The following CALCRL variants were observed in gnomAD, a reference collection of about 807,000 sequenced individuals.
CALCRL encodes the protein calcitonin receptor like receptor.
A neutral mutation model predicts 60.4 loss-of-function variants in CALCRL; 27 were observed. The observed-to-expected ratio is 0.45, with a 90% CI of 0.33 to 0.62. The LOEUF is 0.62. Among genes scored for constraint, CALCRL ranks in the 20% least tolerant of loss-of-function variants. CALCRL has a pLI of 0.03. For missense variants in CALCRL, 424 were observed against 540.7 expected, an observed-to-expected ratio of 0.78 and a Z score of 2.14; for synonymous variants, 190 against 182.6, an observed-to-expected ratio of 1.04 and a Z score of -0.33.
chr2:187,445,436 G>A (rs1691131331), intron 1 of CALCRL, among the ~76,000 whole-genome samples: 1 of 151,500 alleles, frequency 6.6e-6, no homozygotes, highest in East Asian at 1.9e-4. Context: ...AATAAATTTT[G>A]TTTAGTGAAT....
At chr2:187,439,610 G>C (rs961503902) in intron 1 of CALCRL, among the ~76,000 whole-genome samples, 1 of 152,058 alleles carries the variant, frequency 6.6e-6, no homozygotes, top group African/African-American at 2.4e-5. Flanking sequence ...AAAGAAAAGA[G>C]GTCTGTGGTA....
At chr2:187,368,288 G>A (rs1055168315) in intron 8 of CALCRL, among the ~76,000 whole-genome samples, 1 of 151,934 alleles carries the variant, frequency 6.6e-6, no homozygotes, top group South Asian at 2.1e-4. Context: ...ACGCTCTAAT[G>A]GTTTTTAGGT....
At chr2:187,426,526 C>T (rs569638820) in intron 1 of CALCRL, among the ~76,000 whole-genome samples, 2 of 152,024 alleles carry the variant, frequency 1.3e-5, no homozygotes, top group African/African-American at 4.8e-5. Context: ...GCTTCAAGCA[C>T]GAATCTATAC....
chr2:187,390,352 A>G (rs1688384773), intron 1 of CALCRL, among the ~76,000 whole-genome samples: 1 of 152,180 alleles, frequency 6.6e-6, no homozygotes, highest in South Asian at 2.1e-4. Context: ...ATATTATTCT[A>G]TGTAAAAATC....
At chr2:187,346,486 C>G in intron 14 of CALCRL, 87 bp from the exon 15 acceptor site, 1 of 852,620 alleles carries the variant, frequency 1.2e-6, no homozygotes, top group East Asian at 2.7e-5. Context: ...TTAAATAGGT[C>G]TTGGAGAAGA....
At chr2:187,401,490 T>A (rs957618928) in intron 1 of CALCRL, among the ~76,000 whole-genome samples, 1 of 151,662 alleles carries the variant, frequency 6.6e-6, no homozygotes, top group Admixed American at 6.6e-5. Context: ...TTTCAACAAC[T>A]AATTTTTAAT....
In CALCRL at chr2:187,360,651, A is replaced by G; in HGVS notation, c.728T>C (p.Val243Ala). The change falls in exon 10 of 15, where the codon GTG becomes GCG. Residue 243 changes from valine (V) to alanine (A), a missense_variant. By Grantham distance (64) the Val-to-Ala change is moderately conservative. Transcript: ENST00000392370. ...ATGTTGCTTCTCTGCAAACACGGCCACCACAATGAGTGTGTGTAGGTAAAT... is the reference window on the plus strand; with the variant it reads ...ATGTTGCTTCTCTGCAAACACGGCCGCCACAATGAGTGTGTGTAGGTAAAT... ...EGIYLHTLIV[V>A]AVFAEKQHLM... 3 of 1,612,834 alleles carry G rather than the reference A, an allele frequency of 1.9e-6. No homozygotes were observed. Among genetic ancestry groups the G allele is most frequent in the Non-Finnish European group, 2.5e-6 (3 of 1,179,224 alleles).
chr2:187,434,632 C>T (rs1485946660), intron 1 of CALCRL, among the ~76,000 whole-genome samples: 1 of 151,952 alleles, frequency 6.6e-6, no homozygotes, highest in Admixed American at 6.6e-5. Context: ...CATATGTGTA[C>T]CAGGAGATAT....
intron 1 of CALCRL, among the ~76,000 whole-genome samples, chr2:187,393,427 A>T (rs1688531531): frequency 6.6e-6 from 1 of 152,174 alleles, no homozygotes; most frequent in Admixed American, 6.6e-5. Context: ...AGTATAAATC[A>T]AGCAAAATAT....
At chr2:187,437,410 C>A (rs140755246) in intron 1 of CALCRL, among the ~76,000 whole-genome samples, 2,581 of 152,010 alleles carry the variant, frequency 0.017, 27 homozygotes, top group Non-Finnish European at 0.028. Flanking sequence ...GGCGTGATGG[C>A]GGCATATAGT....
chr2:187,355,531 G>T (rs1277031132), intron 12 of CALCRL, among the ~76,000 whole-genome samples: 1 of 152,050 alleles, frequency 6.6e-6, no homozygotes, highest in African/African-American at 2.4e-5. Flanking sequence ...ATACTAAACT[G>T]CAGCTAGCAA....
At chr2:187,436,349 C>T (rs535596078) in intron 1 of CALCRL, among the ~76,000 whole-genome samples, 16 of 152,256 alleles carry the variant, frequency 1.1e-4, no homozygotes, top group Admixed American at 3.3e-4. Flanking sequence ...TTTCACTTTA[C>T]CAAACAGCAC....
intron 10 of CALCRL, 57 bp from the exon 11 acceptor site, chr2:187,359,329 C>T (rs571370147): frequency 1.9e-5 from 24 of 1,269,628 alleles, no homozygotes; most frequent in East Asian, 7.7e-5. Flanking sequence ...GATGGTATTT[C>T]AAAAATATGT....
intron 1 of CALCRL, among the ~76,000 whole-genome samples, chr2:187,395,416 T>G (rs1688611534): frequency 6.6e-6 from 1 of 152,118 alleles, no homozygotes; most frequent in African/African-American, 2.4e-5. Context: ...TCATATTCGA[T>G]TCTTTTACAA....
chr2:187,361,879 A>G (rs13397434), intron 9 of CALCRL, among the ~76,000 whole-genome samples: 1,739 of 152,098 alleles, frequency 0.011, 43 homozygotes, highest in African/African-American at 0.04. Flanking sequence ...TATTCATTAA[A>G]TGTATCTGCA....
chr2:187,370,329 A>G (rs1687467367), intron 8 of CALCRL, among the ~76,000 whole-genome samples: 1 of 152,160 alleles, frequency 6.6e-6, no homozygotes, highest in Non-Finnish European at 1.5e-5. Flanking sequence ...ACCTGATTGT[A>G]AAATATATTA....
Position 187,362,114 on chromosome 2 carries a change from GAATT to G in CALCRL, c.627+1258_627+1261del, listed in dbSNP as rs755291730. 2.3e-4 allele frequency among the ~76,000 whole-genome samples: 35 copies of G among 151,952 alleles called. 1 individual carries two copies. Among genetic ancestry groups the G allele is most frequent in the East Asian group, 2.1e-3 (11 of 5,184 alleles). ...ATCGATAAACCATTACAATAAAAAAGAATTAAGAGCATACTGCAGAAAAATATTT... is the reference window on the plus strand; with the variant it reads ...ATCGATAAACCATTACAATAAAAAAGAAGAGCATACTGCAGAAAAATATTT... On this transcript the variant is annotated intron_variant, in intron 9 of 14. Coordinates refer to ENST00000392370, the MANE Select transcript of CALCRL (RefSeq NM_005795.6).
At chr2:187,427,116 G>A (rs984809120) in intron 1 of CALCRL, among the ~76,000 whole-genome samples, 2 of 152,112 alleles carry the variant, frequency 1.3e-5, no homozygotes, top group African/African-American at 4.8e-5. Context: ...TGTGGGGAGG[G>A]AGACGTAGGT....
intron 1 of CALCRL, among the ~76,000 whole-genome samples, chr2:187,406,124 T>C (rs1689114237): frequency 6.6e-6 from 1 of 151,232 alleles, no homozygotes; most frequent in Non-Finnish European, 1.5e-5. Flanking sequence ...TTGTCAAAAC[T>C]TGACACCAGA....
Sources: gnomAD v4.1 joint callset for allele counts (sites outside exome capture counted in the v4.1 genomes callset) on GRCh38, gnomAD v4.1.1 for gene constraint, MANE v1.5 for transcripts, NCBI Gene and HGNC (gene_info 2026-07-23, HGNC 2026-07-21) for gene names.